TENM1: variants seen among roughly 807,000 people sequenced by gnomAD.
TENM1 encodes teneurin-1.
Under a neutral mutation model 174.8 loss-of-function variants are expected in TENM1, and 35 were observed. The ratio of observed to expected loss-of-function variants is 0.20; its 90% CI spans 0.15 to 0.27. The LOEUF (loss-of-function observed/expected upper bound fraction) is 0.27. Among genes scored for constraint, TENM1 ranks in the 10% least tolerant of loss-of-function variants. The probability of loss-of-function intolerance (pLI) is 1.00; values close to 1 mark genes in which losing one functional copy is unlikely to be tolerated. For synonymous variants in TENM1, 781 were observed against 798.7 expected (o/e 0.98, Z 0.37); for missense variants, 1,633 against 2,130.1 (o/e 0.77, Z 4.59).
intron 3 of TENM1, among the ~76,000 whole-genome samples, chrX:124,890,966 A>G (rs896546832): frequency 4.5e-5 from 5 of 112,229 alleles, no homozygotes; most frequent in South Asian, 3.7e-4. Context: ...TTATTCAGCC[A>G]TTAAAAGAAT....
chrX:124,642,731 G>A (rs2051048863), intron 10 of TENM1, among the ~76,000 whole-genome samples: 1 of 111,756 alleles, frequency 8.9e-6, no homozygotes, highest in Non-Finnish European at 1.9e-5. Context: ...TGTTTTAGAG[G>A]TAGGTTCTTG....
intron 11 of TENM1, among the ~76,000 whole-genome samples, chrX:124,587,890 G>T (rs6649258): frequency 0.012 from 1,314 of 111,772 alleles, 18 homozygotes; most frequent in African/African-American, 0.04. Context: ...GACATGAACA[G>T]ACACTTCTCA....
the TENM1 span, among the ~76,000 whole-genome samples, chrX:125,014,018 T>C: frequency 3.7e-4 from 41 of 112,145 alleles, no homozygotes; most frequent in African/African-American, 1.2e-3. Flanking sequence ...GATATTCATC[T>C]TCTCATAAAA....
intron 4 of TENM1, among the ~76,000 whole-genome samples, chrX:124,706,620 T>A (rs1466401334): frequency 8.9e-6 from 1 of 112,241 alleles, no homozygotes; most frequent in Admixed American, 9.5e-5. Context: ...TATTGTAATA[T>A]GGGCATTTTG....
At chrX:124,560,188 T>C (rs1178269272) in intron 14 of TENM1, among the ~76,000 whole-genome samples, 2 of 94,113 alleles carry the variant, frequency 2.1e-5, no homozygotes, top group African/African-American at 8.1e-5. Flanking sequence ...TAGTCTCTTC[T>C]ATTTGTGTGT....
the TENM1 span, among the ~76,000 whole-genome samples, chrX:124,982,516 G>A: frequency 1.8e-5 from 2 of 111,481 alleles, no homozygotes; most frequent in African/African-American, 6.5e-5. Context: ...GGTATTTGAA[G>A]AAGACATCTC....
At chrX:124,853,444 T>C (rs1296953794) in intron 3 of TENM1, among the ~76,000 whole-genome samples, 1 of 109,113 alleles carries the variant, frequency 9.2e-6, no homozygotes, top group Admixed American at 9.8e-5. Flanking sequence ...AGGTGGGGAG[T>C]GTATGGGATC....
chrX:124,849,116 T>G (rs1041689854), intron 3 of TENM1, among the ~76,000 whole-genome samples: 1 of 111,296 alleles, frequency 9.0e-6, no homozygotes, highest in African/African-American at 3.3e-5. Flanking sequence ...CATGAGGTAT[T>G]TGCATGTTGA....
At chrX:124,683,465 A>G (rs1321728135) in intron 5 of TENM1, among the ~76,000 whole-genome samples, 1 of 112,008 alleles carries the variant, frequency 8.9e-6, no homozygotes, top group African/African-American at 3.2e-5. Flanking sequence ...CATAGGGAAA[A>G]ATTCCACTAT....
chrX:125,111,145 GA>G, the TENM1 span, among the ~76,000 whole-genome samples: 1 of 112,096 alleles, frequency 8.9e-6, no homozygotes, highest in Non-Finnish European at 1.9e-5. Context: ...GTTTTTGCTG[GA>G]CTGGCCTGTT....
At chrX:124,542,442 T>C (rs1442238867) in intron 15 of TENM1, among the ~76,000 whole-genome samples, 2 of 109,065 alleles carry the variant, frequency 1.8e-5, no homozygotes, top group Non-Finnish European at 3.8e-5. Context: ...TTTTTGCTTG[T>C]TAATATTGCT....
the TENM1 span, among the ~76,000 whole-genome samples, chrX:124,982,712 C>T: frequency 8.9e-6 from 1 of 111,821 alleles, no homozygotes; most frequent in Non-Finnish European, 1.9e-5. Context: ...ATGACTTGGT[C>T]CTCCAGTTGA....
intron 28 of TENM1, among the ~76,000 whole-genome samples, 181 bp downstream of exon 31, chrX:124,391,871 A>T (rs2060285655): frequency 9.0e-6 from 1 of 111,393 alleles, no homozygotes. Flanking sequence ...ACTGGGGAAA[A>T]TTTTCAGCTG....
chrX:124,769,228 T>TC (rs1194680915), intron 3 of TENM1, among the ~76,000 whole-genome samples: 1 of 111,977 alleles, frequency 8.9e-6, no homozygotes, highest in Non-Finnish European at 1.9e-5. Flanking sequence ...TAATTATTAT[T>TC]CATTTTCTAG....
intron 11 of TENM1, among the ~76,000 whole-genome samples, chrX:124,611,546 A>C (rs1313991223): frequency 8.9e-6 from 1 of 111,821 alleles, no homozygotes; most frequent in East Asian, 2.8e-4. Context: ...GATTCAGTGA[A>C]CCCAATTCAA....
the TENM1 span, among the ~76,000 whole-genome samples, chrX:125,053,123 A>G: frequency 8.9e-6 from 1 of 112,220 alleles, no homozygotes; most frequent in Non-Finnish European, 1.9e-5. Flanking sequence ...ATCTTAGAGA[A>G]GAATAATTTA....
At chrX:124,799,186 T>C (rs2055379837) in intron 3 of TENM1, among the ~76,000 whole-genome samples, 1 of 111,526 alleles carries the variant, frequency 9.0e-6, no homozygotes, top group Non-Finnish European at 1.9e-5. Context: ...CTTTTTTTGT[T>C]CCATATGAAA....
chrX:125,005,407 T>TTGTGTGTGTG, the TENM1 span, among the ~76,000 whole-genome samples: 6 of 89,481 alleles, frequency 6.7e-5, no homozygotes, highest in African/African-American at 1.2e-4. Context: ...CCTGACTTGG[T>TTGTGTGTGTG]TGTGTGTGTG....
exon 32 of TENM1, chrX:124,379,690 G>A (rs1460154031): frequency 1.8e-5 from 2 of 112,177 alleles, no homozygotes; most frequent in African/African-American, 6.5e-5. Flanking sequence ...TCACTAATGT[G>A]AAACTATGAC....
Sources: gnomAD v4.1 joint callset for allele counts (sites outside exome capture counted in the v4.1 genomes callset) on GRCh38, gnomAD v4.1.1 for gene constraint, MANE v1.5 for transcripts, NCBI Gene and HGNC (gene_info 2026-07-23, HGNC 2026-07-21) for gene names.